The following ADAM7 variants were observed in gnomAD, a reference collection of about 807,000 sequenced individuals.
ADAM7 encodes disintegrin and metalloproteinase domain-containing protein 7.
Under a neutral mutation model 102.9 loss-of-function variants are expected in ADAM7, and 97 were observed. The observed-to-expected ratio is 0.94, with a 90% CI of 0.80 to 1.12. ADAM7 has a LOEUF of 1.12. Among genes scored for constraint, ADAM7 ranks in the 50% most tolerant of loss-of-function variants. The pLI, the probability that ADAM7 is intolerant of heterozygous loss-of-function variation, is 0.00. For missense variants in ADAM7, 991 were observed against 908.7 expected, an observed-to-expected ratio of 1.09 and a Z score of -1.16; for synonymous variants, 334 against 304.4, an observed-to-expected ratio of 1.10 and a Z score of -1.01.
At chr8:24,506,246 A>C in intron 20 of ADAM7, 3 of 1,072,666 alleles carry the variant, frequency 2.8e-6, no homozygotes, top group Non-Finnish European at 4.1e-6. Flanking sequence ...GGTTCCTTGA[A>C]AAGGACCAAT....
chr8:24,467,032 T>G, intron 6 of ADAM7, 44 bp downstream of exon 6: 1 of 1,529,314 alleles, frequency 6.5e-7, no homozygotes, highest in Non-Finnish European at 9.0e-7. Flanking sequence ...AAACACCTTT[T>G]ATTTTCTTGA....
rs565665566 is a variant in ADAM7 at position 24,476,364 on chromosome 8, A to C, written c.634-69A>C. 1.5e-4 allele frequency: 179 copies of C among 1,155,750 alleles called. 4 individuals carry two copies. In the South Asian group the frequency reaches 2.8e-3, roughly 18 times the overall value. 71.6% of individuals were successfully genotyped at this position (1,155,750 alleles called of 1,614,324 possible). The stretch of plus-strand genomic sequence containing the variant: ...TTTTCTTTGTAATAGCTGATGAATG[A>C]AGTATTTTGTTGAGCTTTTATGCAA... On this transcript the variant is annotated intron_variant, in intron 7 of 21. Transcript: ENST00000175238.
At chr8:24,470,631 A>G (rs1819573186) in intron 7 of ADAM7, among the ~76,000 whole-genome samples, 1 of 152,182 alleles carries the variant, frequency 6.6e-6, no homozygotes, top group Non-Finnish European at 1.5e-5. Context: ...AAAAATTCCT[A>G]TAGCCTAGTG....
intron 16 of ADAM7, among the ~76,000 whole-genome samples, chr8:24,496,012 A>G (rs1306299439): frequency 2.6e-5 from 4 of 152,216 alleles, no homozygotes; most frequent in African/African-American, 7.2e-5. Context: ...AGCCCCTCCT[A>G]TCACAGGCCC....
At chr8:24,484,155 T>A (rs2129389058) in intron 9 of ADAM7, among the ~76,000 whole-genome samples, 1 of 152,130 alleles carries the variant, frequency 6.6e-6, no homozygotes, top group Admixed American at 6.5e-5. Flanking sequence ...ACCCCCAGAG[T>A]TTAAAAAGAC....
intron 20 of ADAM7, chr8:24,506,172 C>G: frequency 6.5e-7 from 1 of 1,539,638 alleles, no homozygotes; most frequent in Non-Finnish European, 8.8e-7. Flanking sequence ...TTCCCCTCCC[C>G]TTCCTCTTGG....
At chr8:24,477,569 AGTGTGT>A (rs370769372) in intron 8 of ADAM7, among the ~76,000 whole-genome samples, 1 of 145,570 alleles carries the variant, frequency 6.9e-6, no homozygotes, top group Non-Finnish European at 1.5e-5. Flanking sequence ...TACCCTCATC[AGTGTGT>A]GTGTGTGTGT....
At chr8:24,490,521 A>G in intron 12 of ADAM7, 1 of 311,948 alleles carries the variant, frequency 3.2e-6, no homozygotes, top group Non-Finnish European at 6.0e-6. Context: ...AAGGAAATGG[A>G]GATAATTAGG....
chr8:24,493,008 T>A, intron 15 of ADAM7, 35 bp from the exon 16 acceptor site: 1 of 1,534,796 alleles, frequency 6.5e-7, no homozygotes, highest in Non-Finnish European at 8.7e-7. Context: ...GTTGTATTTC[T>A]AGTTCCAAGT....
At chr8:24,490,628 A>T in intron 12 of ADAM7, 171 bp from the exon 13 acceptor site, 1 of 608,186 alleles carries the variant, frequency 1.6e-6, no homozygotes, top group Non-Finnish European at 2.9e-6. Context: ...AGAAATAGTT[A>T]AAGTCCCAAA....
chr8:24,509,342 C>T lies in ADAM7; in HGVS notation c.*796C>T. 1.0e-6 allele frequency: 1 copy of T among 985,422 alleles called. No individual in the cohort carries two copies. Among genetic ancestry groups the T allele is most frequent in the Non-Finnish European group, 1.2e-6 (1 of 829,956 alleles). The allele number at this position is 985,422 out of a possible 1,614,324, so 61.0% of individuals were successfully genotyped here. ...TTTCTGTGCTGTCTCTGCCCTCTCC[C>T]TATCCGTTTGTTATGGGATGGGGGA... is the stretch of plus-strand genomic sequence containing the variant. On this transcript the variant is annotated 3_prime_UTR_variant, in exon 22 of 22. Coordinates refer to ENST00000175238, the MANE Select transcript of ADAM7 (RefSeq NM_003817.4).
intron 14 of ADAM7, 172 bp downstream of exon 14, chr8:24,492,270 A>T: frequency 1.4e-6 from 1 of 712,114 alleles, no homozygotes; most frequent in Non-Finnish European, 2.3e-6. Context: ...TCTTACGTCT[A>T]ATATTAACTA....
At chr8:24,450,661 C>G (rs989747997) in intron 3 of ADAM7, among the ~76,000 whole-genome samples, 8 of 152,002 alleles carry the variant, frequency 5.3e-5, no homozygotes, top group African/African-American at 1.9e-4. Context: ...TGCCTAATTG[C>G]CCTGGCCAGA....
chr8:24,463,815 T>C (rs1301721679), intron 3 of ADAM7, 67 bp from the exon 4 acceptor site: 1 of 1,320,146 alleles, frequency 7.6e-7, no homozygotes, highest in Non-Finnish European at 1.1e-6. Context: ...CTCCATCACA[T>C]TATAGGTTTT....
At chr8:24,462,146 T>C (rs150011649) in intron 3 of ADAM7, among the ~76,000 whole-genome samples, 10 of 152,360 alleles carry the variant, frequency 6.6e-5, no homozygotes, top group African/African-American at 2.4e-4. Flanking sequence ...GGAGATTAAC[T>C]TTGTTGGACT....
At chr8:24,455,359 C>T (rs898008343) in intron 3 of ADAM7, among the ~76,000 whole-genome samples, 7 of 152,180 alleles carry the variant, frequency 4.6e-5, no homozygotes, top group Admixed American at 4.6e-4. Flanking sequence ...CATCAGTTTA[C>T]TTTCCCCTCA....
At chr8:24,504,723 T>C (rs1260585625) in intron 20 of ADAM7, among the ~76,000 whole-genome samples, 1 of 152,138 alleles carries the variant, frequency 6.6e-6, no homozygotes, top group Non-Finnish European at 1.5e-5. Flanking sequence ...CCATAAGCCT[T>C]GTGATTTTTA....
At chr8:24,441,819 A>G (rs1292349156) in intron 1 of ADAM7, among the ~76,000 whole-genome samples, 40 of 152,220 alleles carry the variant, frequency 2.6e-4, no homozygotes, top group Non-Finnish European at 5.9e-5. Flanking sequence ...ACATTCAAAC[A>G]GGACAACAGT....
intron 10 of ADAM7, 79 bp downstream of exon 10, chr8:24,485,440 C>A: frequency 3.1e-6 from 4 of 1,296,060 alleles, no homozygotes; most frequent in Admixed American, 2.0e-5. Context: ...TGGAAAGAGA[C>A]TATGTATGCA....
Sources: gnomAD v4.1 joint callset for allele counts (sites outside exome capture counted in the v4.1 genomes callset) on GRCh38, gnomAD v4.1.1 for gene constraint, MANE v1.5 for transcripts, NCBI Gene and HGNC (gene_info 2026-07-23, HGNC 2026-07-21) for gene names.